SCG5: variants seen among roughly 807,000 people sequenced by gnomAD.
The protein encoded by SCG5 is secretogranin V, also known as neuroendocrine protein 7B2.
In SCG5, 18 loss-of-function variants were observed where a neutral mutation model predicts 25.7. The ratio of observed to expected loss-of-function variants is 0.70; its 90% confidence interval spans 0.48 to 1.04. The LOEUF (loss-of-function observed/expected upper bound fraction) is 1.04, where lower values mean the gene tolerates loss of function less well. Ranked by LOEUF, SCG5 falls within the 50% of genes least tolerant of loss-of-function variation. SCG5 has a pLI of 0.00. For missense variants in SCG5, 206 were observed against 259.8 expected (o/e 0.79, Z 1.42); for synonymous variants, 101 against 91.7 (o/e 1.10, Z -0.58).
chr15:32,692,610 A>G (rs1410243452), intron 5 of SCG5, among the ~76,000 whole-genome samples: 4 of 152,198 alleles, frequency 2.6e-5, no homozygotes, highest in African/African-American at 9.7e-5. Flanking sequence ...CCACTGTTAC[A>G]TGGTAAAATG....
At chr15:32,662,031 T>C (rs189552994) in intron 2 of SCG5, among the ~76,000 whole-genome samples, 20 of 152,342 alleles carry the variant, frequency 1.3e-4, no homozygotes, top group Admixed American at 1.2e-3. Flanking sequence ...AAAATCAGTG[T>C]AATTATTTTT....
intron 4 of SCG5, among the ~76,000 whole-genome samples, chr15:32,688,918 C>T (rs2054782316): frequency 6.8e-6 from 1 of 146,172 alleles, no homozygotes; most frequent in Admixed American, 6.9e-5. Flanking sequence ...GAGATAGTGC[C>T]ACTGCAGTCC....
chr15:32,684,351 C>T lies in SCG5; in HGVS notation c.377-206C>T, dbSNP rs576439200. The T allele has an allele frequency of 7.9e-5, 42 of 529,388 alleles. No individual in the cohort carries two copies. In the South Asian group the frequency reaches 1.1e-3, roughly 14 times the overall value. 32.8% of individuals were successfully genotyped at this position (529,388 alleles called of 1,614,324 possible). On this transcript the variant is annotated intron_variant, in intron 3 of 5. Transcript: ENST00000300175. ...AAGGGAAGTGGGTTTGGTGAACAGC[C>T]AGTGAGTCTCTGCACAGGAGTGGGA...
At chr15:32,690,906 AAAC>A (rs2054839965) in intron 4 of SCG5, among the ~76,000 whole-genome samples, 1 of 151,096 alleles carries the variant, frequency 6.6e-6, no homozygotes, top group African/African-American at 2.4e-5. Context: ...CAAATAAATA[AAAC>A]AACACAAGTA....
chr15:32,658,308 A>T (rs2054159590), intron 2 of SCG5, among the ~76,000 whole-genome samples: 1 of 151,998 alleles, frequency 6.6e-6, no homozygotes, highest in Non-Finnish European at 1.5e-5. Flanking sequence ...AGAACCCTAT[A>T]TGTGGATCAG....
At chr15:32,682,703 A>G (rs1383109825) in intron 3 of SCG5, among the ~76,000 whole-genome samples, 1 of 152,226 alleles carries the variant, frequency 6.6e-6, no homozygotes, top group Non-Finnish European at 1.5e-5. Flanking sequence ...CAAGAATGAA[A>G]TCGCTTGCTA....
chr15:32,688,534 C>G (rs1167452917), intron 4 of SCG5, among the ~76,000 whole-genome samples: 1 of 152,106 alleles, frequency 6.6e-6, no homozygotes, highest in Non-Finnish European at 1.5e-5. Context: ...ATTAGACCTG[C>G]TTAGTATTTT....
At chr15:32,655,527 T>C (rs2054103820) in intron 2 of SCG5, among the ~76,000 whole-genome samples, 1 of 152,120 alleles carries the variant, frequency 6.6e-6, no homozygotes, top group South Asian at 2.1e-4. Flanking sequence ...TCTGTTGTAG[T>C]GGGTGCTGAC....
chr15:32,658,880 A>G (rs897802787), intron 2 of SCG5, among the ~76,000 whole-genome samples: 1 of 152,166 alleles, frequency 6.6e-6, no homozygotes. Flanking sequence ...TCAGCACTTA[A>G]CAACTGTCAG....
chr15:32,695,809 AATAGGG>A (rs2054947914), intron 5 of SCG5, among the ~76,000 whole-genome samples: 1 of 152,166 alleles, frequency 6.6e-6, no homozygotes. Context: ...TTCCTACCTA[AATAGGG>A]CCATAGAATA....
At chr15:32,684,712 C>A in intron 4 of SCG5, 43 bp downstream of exon 4, 1 of 1,289,166 alleles carries the variant, frequency 7.8e-7, no homozygotes, top group Non-Finnish European at 1.1e-6. Context: ...CACTTTGGTA[C>A]TCTGAAGGTG....
intron 4 of SCG5, among the ~76,000 whole-genome samples, chr15:32,688,097 T>G (rs926244259): frequency 6.6e-6 from 1 of 152,176 alleles, no homozygotes; most frequent in Non-Finnish European, 1.5e-5. Flanking sequence ...CCCCATCATC[T>G]GACTCCAGAG....
At chr15:32,675,585 A>G (rs1203378811) in intron 2 of SCG5, among the ~76,000 whole-genome samples, 5 of 152,248 alleles carry the variant, frequency 3.3e-5, no homozygotes, top group African/African-American at 1.2e-4. Context: ...TGAAGAACGA[A>G]CTAGAGAACA....
At chr15:32,660,836 G>A (rs1244624774) in intron 2 of SCG5, among the ~76,000 whole-genome samples, 2 of 152,130 alleles carry the variant, frequency 1.3e-5, no homozygotes, top group African/African-American at 4.8e-5. Flanking sequence ...ATTTTTTCAT[G>A]GTATCAATCT....
intron 4 of SCG5, among the ~76,000 whole-genome samples, chr15:32,686,255 C>T (rs969076052): frequency 1.3e-5 from 2 of 152,000 alleles, no homozygotes; most frequent in Non-Finnish European, 2.9e-5. Flanking sequence ...TATAGGTTCT[C>T]GAATAGGAGA....
intron 2 of SCG5, among the ~76,000 whole-genome samples, chr15:32,670,294 C>T (rs188784040): frequency 2.6e-5 from 4 of 152,262 alleles, no homozygotes; most frequent in Non-Finnish European, 5.9e-5. Flanking sequence ...CTGCCCTTGC[C>T]GGCTATGTGG....
chr15:32,673,839 T>C (rs1043508276), intron 2 of SCG5, among the ~76,000 whole-genome samples: 1 of 152,104 alleles, frequency 6.6e-6, no homozygotes, highest in African/African-American at 2.4e-5. Flanking sequence ...GTTCAAGTGA[T>C]TCTCCTGCCT....
chr15:32,683,914 T>G (rs1284621118), intron 3 of SCG5, among the ~76,000 whole-genome samples: 1 of 152,242 alleles, frequency 6.6e-6, no homozygotes, highest in Admixed American at 6.5e-5. Flanking sequence ...GTGGGTCATG[T>G]GCAACAGAAG....
At chr15:32,671,483 C>G (rs1402499049) in intron 2 of SCG5, among the ~76,000 whole-genome samples, 1 of 152,106 alleles carries the variant, frequency 6.6e-6, no homozygotes, top group Non-Finnish European at 1.5e-5. Context: ...TTCCCCATTC[C>G]TAGGGGCCAA....
Sources: allele counts gnomAD v4.1 joint callset (sites outside exome capture counted in the v4.1 genomes callset), GRCh38; gene constraint gnomAD v4.1.1; transcripts MANE v1.5; gene names NCBI Gene and HGNC (gene_info 2026-07-23, HGNC 2026-07-21).